The following GRIN2B variants were observed in gnomAD, a reference collection of about 807,000 sequenced individuals.
The protein encoded by GRIN2B is glutamate ionotropic receptor NMDA type subunit 2B.
In GRIN2B, 5 loss-of-function variants were observed where a neutral mutation model predicts 114.5. That is an observed-to-expected ratio of 0.04 (90% CI 0.02 to 0.09). The LOEUF (loss-of-function observed/expected upper bound fraction) is 0.09. GRIN2B is among the 10% of genes least tolerant of loss of function. The pLI, the probability that GRIN2B is intolerant of heterozygous loss-of-function variation, is 1.00. For synonymous variants in GRIN2B, 787 were observed against 745.1 expected, an observed-to-expected ratio of 1.06 and a Z score of -0.92; for missense variants, 1,108 against 1,943.5, an observed-to-expected ratio of 0.57 and a Z score of 8.08.
chr12:13,684,402 C>G (rs754726957), intron 4 of GRIN2B, among the ~76,000 whole-genome samples: 5 of 152,126 alleles, frequency 3.3e-5, no homozygotes, highest in Admixed American at 6.6e-5. Context: ...GCCAATTAAT[C>G]AAATGTGCAG....
intron 2 of GRIN2B, among the ~76,000 whole-genome samples, chr12:13,931,628 A>G (rs1591628255): frequency 6.6e-6 from 1 of 152,198 alleles, no homozygotes; most frequent in East Asian, 1.9e-4. Context: ...TCAAACCTCA[A>G]GATTCAAATG....
intron 2 of GRIN2B, among the ~76,000 whole-genome samples, chr12:13,877,135 G>A (rs1404247888): frequency 1.3e-5 from 2 of 152,146 alleles, no homozygotes; most frequent in Non-Finnish European, 2.9e-5. Context: ...TTATATGAGA[G>A]TTGCATGTGT....
intron 2 of GRIN2B, among the ~76,000 whole-genome samples, chr12:13,917,586 G>C (rs1375190806): frequency 6.6e-6 from 1 of 152,160 alleles, no homozygotes; most frequent in Admixed American, 6.5e-5. Context: ...GGACTAGCTG[G>C]AAAATTTCCT....
At chr12:13,888,887 T>C (rs1423052851) in intron 2 of GRIN2B, among the ~76,000 whole-genome samples, 1 of 152,100 alleles carries the variant, frequency 6.6e-6, no homozygotes, top group Non-Finnish European at 1.5e-5. Flanking sequence ...TGTGAAGGCC[T>C]GGGACATTAC....
intron 5 of GRIN2B, among the ~76,000 whole-genome samples, chr12:13,618,930 A>G (rs965971632): frequency 6.6e-6 from 1 of 152,190 alleles, no homozygotes; most frequent in African/African-American, 2.4e-5. Context: ...GTGAACAATA[A>G]GGATATTGCA....
chr12:13,746,165 G>A (rs1377437198), intron 4 of GRIN2B, among the ~76,000 whole-genome samples: 3 of 152,156 alleles, frequency 2.0e-5, no homozygotes, highest in Non-Finnish European at 4.4e-5. Context: ...ATCAGGGAAT[G>A]TCTCTCGAGG....
At chr12:13,962,152 G>A (rs2032713) in intron 2 of GRIN2B, among the ~76,000 whole-genome samples, 45,156 of 150,584 alleles carry the variant, frequency 0.3, 7,573 homozygotes, top group Middle Eastern at 0.42. Flanking sequence ...CACACAGTGA[G>A]CGGCAGGGAG....
intron 2 of GRIN2B, among the ~76,000 whole-genome samples, chr12:13,972,401 T>C (rs1279452996): frequency 2.6e-5 from 4 of 152,082 alleles, no homozygotes; most frequent in Admixed American, 2.6e-4. Flanking sequence ...CAGAATTAAA[T>C]ATAAGCTTCT....
chr12:13,677,659 A>C (rs1950087968), intron 4 of GRIN2B, among the ~76,000 whole-genome samples: 2 of 151,408 alleles, frequency 1.3e-5, no homozygotes, highest in Admixed American at 6.6e-5. Context: ...TCTTTCACTG[A>C]TGGGGAACTT....
intron 4 of GRIN2B, among the ~76,000 whole-genome samples, chr12:13,702,599 C>CA (rs5796555): frequency 0.33 from 49,525 of 151,946 alleles, 8,846 homozygotes; most frequent in East Asian, 0.8. Flanking sequence ...ATCCGCCCTC[C>CA]GGGGGGTCCA....
At chr12:13,962,275 A>C (rs964360153) in intron 2 of GRIN2B, among the ~76,000 whole-genome samples, 3 of 152,068 alleles carry the variant, frequency 2.0e-5, no homozygotes, top group Admixed American at 6.6e-5. Context: ...TTGTCTCCAC[A>C]TCTACTTCAT....
Position 13,562,730 on chromosome 12 carries a change from G to T in GRIN2B, c.*53C>A. On this transcript the variant is annotated 3_prime_UTR_variant, in exon 14 of 14. Transcript: ENST00000609686. The stretch of plus-strand genomic sequence containing the variant: ...TCACCCTCCGTGACATGCGCATCAC[G>T]CGACCCACAGCCTTACCCTCCCGTA... 7.0e-7 allele frequency: 1 copy of T among 1,431,050 alleles called. No homozygotes were observed. Among genetic ancestry groups the T allele is most frequent in the Non-Finnish European group, 9.9e-7 (1 of 1,013,328 alleles). 88.6% of individuals were successfully genotyped at this position (1,431,050 alleles called of 1,614,324 possible). A position where few individuals can be genotyped will look rare whatever the true frequency, so the allele number is the denominator to read the frequency against.
chr12:13,688,725 C>A (rs1161570634), intron 4 of GRIN2B, among the ~76,000 whole-genome samples: 1 of 152,168 alleles, frequency 6.6e-6, no homozygotes, highest in Non-Finnish European at 1.5e-5. Flanking sequence ...TTAATAGTGA[C>A]AAAAACTTAT....
intron 4 of GRIN2B, among the ~76,000 whole-genome samples, chr12:13,711,598 C>T (rs1191986580): frequency 1.3e-5 from 2 of 152,072 alleles, no homozygotes; most frequent in Non-Finnish European, 2.9e-5. Flanking sequence ...CAAAAGAAGA[C>T]ATTTATGCAG....
intron 10 of GRIN2B, among the ~76,000 whole-genome samples, chr12:13,586,243 T>C (rs1948923674): frequency 6.6e-6 from 1 of 152,204 alleles, no homozygotes; most frequent in African/African-American, 2.4e-5. Flanking sequence ...AGACCATACA[T>C]GGTTTAGGAC....
intron 4 of GRIN2B, among the ~76,000 whole-genome samples, chr12:13,721,043 A>G (rs985518274): frequency 3.3e-5 from 5 of 152,102 alleles, no homozygotes; most frequent in Non-Finnish European, 5.9e-5. Context: ...ATAGTGACCA[A>G]GAAGCTGCTT....
At chr12:13,701,117 G>A (rs564437926) in intron 4 of GRIN2B, among the ~76,000 whole-genome samples, 30 of 152,240 alleles carry the variant, frequency 2.0e-4, no homozygotes, top group African/African-American at 6.5e-4. Flanking sequence ...CTTATAAAAC[G>A]TCGGATCTCA....
intron 3 of GRIN2B, among the ~76,000 whole-genome samples, chr12:13,847,306 T>C (rs1031473524): frequency 6.6e-6 from 1 of 152,010 alleles, no homozygotes; most frequent in Non-Finnish European, 1.5e-5. Context: ...ATGGGGAAGG[T>C]GGCTGCTGGA....
At chr12:13,739,374 C>CAAAAAAAAAAAAAAAAAAA (rs34320563) in intron 4 of GRIN2B, among the ~76,000 whole-genome samples, 1 of 59,364 alleles carries the variant, frequency 1.7e-5, no homozygotes, top group African/African-American at 7.3e-5. Flanking sequence ...AACTCCGTCT[C>CAAAAAAAAAAAAAAAAAAA]AAAAAAAAAA....
Sources: allele counts gnomAD v4.1 joint callset (sites outside exome capture counted in the v4.1 genomes callset), GRCh38; gene constraint gnomAD v4.1.1; transcripts MANE v1.5; gene names NCBI Gene and HGNC (gene_info 2026-07-23, HGNC 2026-07-21).